The following NEGR1 variants were observed in gnomAD, a reference collection of about 807,000 sequenced individuals.
The protein encoded by NEGR1 is IgLON family member 4.
A neutral mutation model predicts 40.9 loss-of-function variants in NEGR1; 10 were observed. The ratio of observed to expected loss-of-function variants is 0.24; its 90% CI spans 0.15 to 0.42. The LOEUF (loss-of-function observed/expected upper bound fraction) is 0.42. Ranked by LOEUF, NEGR1 falls within the 10% of genes least tolerant of loss-of-function variation. The pLI is 1.00. For missense variants in NEGR1, 352 were observed against 438.9 expected (o/e 0.80, Z 1.77); for synonymous variants, 185 against 166.8 (o/e 1.11, Z -0.84).
chr1:71,729,422 T>C (rs1375596559), intron 3 of NEGR1, among the ~76,000 whole-genome samples: 1 of 152,186 alleles, frequency 6.6e-6, no homozygotes, highest in Non-Finnish European at 1.5e-5. Context: ...TTATTATGCT[T>C]AATATTTATC....
intron 1 of NEGR1, among the ~76,000 whole-genome samples, chr1:71,938,510 A>AT (rs554172176): frequency 1.3e-4 from 18 of 137,596 alleles, no homozygotes; most frequent in African/African-American, 4.9e-4. Flanking sequence ...TCTACATTCT[A>AT]TTTTTTCCTT....
chr1:71,446,572 T>G (rs1387992829), intron 6 of NEGR1, among the ~76,000 whole-genome samples: 1 of 152,226 alleles, frequency 6.6e-6, no homozygotes, highest in Non-Finnish European at 1.5e-5. Context: ...AGTGGAAATT[T>G]AGTTAGCATG....
chr1:72,210,298 T>C (rs1323758917), intron 1 of NEGR1, among the ~76,000 whole-genome samples: 2 of 151,866 alleles, frequency 1.3e-5, no homozygotes, highest in Admixed American at 6.6e-5. Context: ...GCGACATCAC[T>C]GAGTTGAAAA....
At chr1:72,017,020 G>A (rs1463406991) in intron 1 of NEGR1, among the ~76,000 whole-genome samples, 4 of 151,878 alleles carry the variant, frequency 2.6e-5, no homozygotes, top group Admixed American at 2.0e-4. Context: ...AATTTTTACT[G>A]TATAATTTGA....
In NEGR1 at chr1:72,013,482, C is replaced by T. The variant is rs150622502; in HGVS notation, c.177-78171G>A. On this transcript the variant is annotated intron_variant, in intron 1 of 6. Coordinates refer to ENST00000357731, the MANE Select transcript of NEGR1 (RefSeq NM_173808.3). Reference sequence around the variant, plus strand: ...TTAGGGGGTAAAATATTCTGGTTTTCTTCATAGCCATCTTGCCACTTTTCA... The same window carrying T: ...TTAGGGGGTAAAATATTCTGGTTTTTTTCATAGCCATCTTGCCACTTTTCA... 3.6e-3 allele frequency among the ~76,000 whole-genome samples: 543 copies of T among 152,124 alleles called. 9 individuals are homozygous for T. Among genetic ancestry groups the T allele is most frequent in the African/African-American group, 0.013 (519 of 41,512 alleles).
In NEGR1 at chr1:71,627,363, G is replaced by A. The variant is rs115242542; in HGVS notation, c.668-16217C>T. Among the ~76,000 whole-genome samples, 418 of 151,874 alleles carry A rather than the reference G, an allele frequency of 2.8e-3. 1 individual carries two copies. The highest frequency in any genetic ancestry group is 9.6e-3 in the African/African-American group (400 of 41,452). On this transcript the variant is annotated intron_variant, in intron 4 of 6. Coordinates refer to ENST00000357731, the MANE Select transcript of NEGR1 (RefSeq NM_173808.3). ...TATCACATGTAACACTATATAACTA[G>A]GCATTAAAATACTATATATCTGGGC... is the stretch of plus-strand genomic sequence containing the variant.
At chr1:71,894,979 A>T (rs1034331776) in intron 2 of NEGR1, among the ~76,000 whole-genome samples, 1 of 152,110 alleles carries the variant, frequency 6.6e-6, no homozygotes, top group Non-Finnish European at 1.5e-5. Context: ...AATAATCTAT[A>T]CACAATTTAC....
At chr1:71,850,137 TTTTGTTTGTTTGTTTG>T (rs370506321) in intron 2 of NEGR1, among the ~76,000 whole-genome samples, 2 of 93,366 alleles carry the variant, frequency 2.1e-5, no homozygotes, top group Admixed American at 9.7e-5. Flanking sequence ...TACTGTCTTT[TTTTGTTTGTTTGTTTG>T]TTTGTTTGTT....
At chr1:71,966,782 G>A (rs1287585604) in intron 1 of NEGR1, among the ~76,000 whole-genome samples, 1 of 152,088 alleles carries the variant, frequency 6.6e-6, no homozygotes, top group East Asian at 1.9e-4. Context: ...AATGCAGATG[G>A]TAACTTCTCC....
At chr1:71,782,005 T>C (rs1346230023) in intron 2 of NEGR1, among the ~76,000 whole-genome samples, 1 of 152,150 alleles carries the variant, frequency 6.6e-6, no homozygotes, top group Non-Finnish European at 1.5e-5. Context: ...AAATTCGATC[T>C]TAAAAAATTG....
intron 1 of NEGR1, among the ~76,000 whole-genome samples, chr1:72,170,711 C>G (rs574840646): frequency 6.6e-5 from 10 of 152,182 alleles, no homozygotes; most frequent in Non-Finnish European, 1.5e-4. Flanking sequence ...TTTGATGTAA[C>G]TGTAGATATC....
At chr1:71,540,216 G>A (rs1647645835) in intron 6 of NEGR1, among the ~76,000 whole-genome samples, 1 of 151,718 alleles carries the variant, frequency 6.6e-6, no homozygotes, top group East Asian at 2.0e-4. Context: ...AAATGTCTTA[G>A]TTTTCAGCAA....
intron 4 of NEGR1, among the ~76,000 whole-genome samples, chr1:71,670,705 T>C (rs1185929209): frequency 6.6e-6 from 1 of 152,130 alleles, no homozygotes; most frequent in Non-Finnish European, 1.5e-5. Context: ...GTATTTTCTT[T>C]CTTGGATCGT....
chr1:71,530,884 G>C (rs1647336795), intron 6 of NEGR1, among the ~76,000 whole-genome samples: 1 of 151,064 alleles, frequency 6.6e-6, no homozygotes, highest in Non-Finnish European at 1.5e-5. Flanking sequence ...GTGTCATGAG[G>C]AGGTGTGTGT....
intron 1 of NEGR1, among the ~76,000 whole-genome samples, chr1:72,021,699 G>T (rs1017908878): frequency 6.6e-6 from 1 of 152,076 alleles, no homozygotes; most frequent in Admixed American, 6.5e-5. Context: ...AGTGGAAGGA[G>T]AACATTGAAA....
At chr1:71,697,856 A>G in intron 4 of NEGR1, 152 bp downstream of exon 4, 1 of 666,504 alleles carries the variant, frequency 1.5e-6, no homozygotes, top group South Asian at 2.0e-5. Context: ...CAATTTAACC[A>G]ACATTTCAAC....
intron 1 of NEGR1, among the ~76,000 whole-genome samples, chr1:72,000,349 C>T (rs1319217705): frequency 6.6e-6 from 1 of 151,726 alleles, no homozygotes; most frequent in East Asian, 1.9e-4. Flanking sequence ...CAATTCCACA[C>T]AAAATGTGTT....
At chr1:72,150,976 G>T (rs144153243) in intron 1 of NEGR1, among the ~76,000 whole-genome samples, 66 of 151,754 alleles carry the variant, frequency 4.3e-4, no homozygotes, top group African/African-American at 1.5e-3. Context: ...TTTAGCAATT[G>T]TTATTAAAAA....
At chr1:71,904,414 A>T (rs1031198938) in intron 2 of NEGR1, among the ~76,000 whole-genome samples, 1 of 152,076 alleles carries the variant, frequency 6.6e-6, no homozygotes, top group Non-Finnish European at 1.5e-5. Context: ...ATACATCACT[A>T]TCATTCTTAA....
Sources: gnomAD v4.1 joint callset for allele counts (sites outside exome capture counted in the v4.1 genomes callset) on GRCh38, gnomAD v4.1.1 for gene constraint, MANE v1.5 for transcripts, NCBI Gene and HGNC (gene_info 2026-07-23, HGNC 2026-07-21) for gene names.